LCOR: variants seen among roughly 807,000 people sequenced by gnomAD.
The protein encoded by LCOR is ligand dependent nuclear receptor corepressor, also known as ligand-dependent corepressor.
In LCOR, 14 loss-of-function variants were observed where a neutral mutation model predicts 64.4. The observed-to-expected ratio is 0.22, with a 90% CI of 0.14 to 0.34. The LOEUF (loss-of-function observed/expected upper bound fraction) is 0.34, where lower values mean the gene tolerates loss of function less well. Ranked by LOEUF, LCOR falls within the 10% of genes least tolerant of loss-of-function variation. LCOR has a pLI of 1.00. For missense variants in LCOR, 1,686 were observed against 1,765.3 expected (o/e 0.96, Z 0.80); for synonymous variants, 643 against 642.5 (o/e 1.00, Z -0.01).
At chr10:96,951,378 T>G (rs192191227) in intron 6 of LCOR, among the ~76,000 whole-genome samples, 82 of 152,286 alleles carry the variant, frequency 5.4e-4, no homozygotes, top group African/African-American at 1.9e-3. Flanking sequence ...TAAACTTTCT[T>G]CACCAATTTT....
In LCOR at chr10:96,867,977, C is replaced by T. The variant is rs1007486040; in HGVS notation, c.-330+34498C>T. On this transcript the variant is annotated intron_variant, in intron 2 of 7. Coordinates refer to ENST00000421806, the MANE Select transcript of LCOR (RefSeq NM_001346516.2). Reference sequence around the variant, plus strand: ...TTGGCTCACTGCAACCTCCGCCTCCCGGGTTCAGGCGGTTCTCCTGCCTCA... The same window carrying T: ...TTGGCTCACTGCAACCTCCGCCTCCTGGGTTCAGGCGGTTCTCCTGCCTCA... Among the ~76,000 whole-genome samples, 5 of 151,804 alleles carry T rather than the reference C, an allele frequency of 3.3e-5. No individual in the cohort carries two copies. In the East Asian group the frequency reaches 5.8e-4, roughly 18 times the overall value.
chr10:96,861,075 GA>G (rs548499962), intron 2 of LCOR, among the ~76,000 whole-genome samples: 1 of 151,980 alleles, frequency 6.6e-6, no homozygotes, highest in African/African-American at 2.4e-5. Flanking sequence ...GCTGGACTTT[GA>G]AAAAAACGTA....
chr10:96,835,302 T>C (rs151319333), intron 2 of LCOR, among the ~76,000 whole-genome samples: 1 of 152,346 alleles, frequency 6.6e-6, no homozygotes, highest in African/African-American at 2.4e-5. Context: ...AATTTTAATC[T>C]GGTGATCAAA....
At chr10:96,843,277 A>C (rs1384682367) in intron 2 of LCOR, among the ~76,000 whole-genome samples, 1 of 151,956 alleles carries the variant, frequency 6.6e-6, no homozygotes, top group Admixed American at 6.6e-5. Context: ...AGCATGTTTC[A>C]TCATGCCTGG....
chr10:96,966,064 CT>C lies in LCOR; in HGVS notation c.332+13869del, dbSNP rs550086986. Among the ~76,000 whole-genome samples the C allele has an allele frequency of 1.6e-3, 243 of 151,590 alleles. 1 individual carries two copies. Among genetic ancestry groups the C allele is most frequent in the African/African-American group, 5.6e-3 (233 of 41,276 alleles). ...TTTTAAACTGGAATTTTCTCTGATT[CT>C]GCTGATATTTTGGAAACTAATTCAG... On this transcript the variant is annotated intron_variant, in intron 7 of 7. Coordinates refer to ENST00000421806, the MANE Select transcript of LCOR (RefSeq NM_001346516.2).
At chr10:96,845,114 A>C (rs574960402) in intron 2 of LCOR, among the ~76,000 whole-genome samples, 1 of 152,334 alleles carries the variant, frequency 6.6e-6, no homozygotes, top group East Asian at 1.9e-4. Flanking sequence ...GGATAAATTT[A>C]AAAAATGAAT....
intron 2 of LCOR, among the ~76,000 whole-genome samples, chr10:96,836,911 C>T (rs1467359903): frequency 6.6e-6 from 1 of 151,864 alleles, no homozygotes; most frequent in Non-Finnish European, 1.5e-5. Flanking sequence ...GTTTGCAACA[C>T]GTTTCTTTCC....
intron 7 of LCOR, among the ~76,000 whole-genome samples, chr10:96,975,208 A>G (rs1424884678): frequency 6.6e-6 from 1 of 152,220 alleles, no homozygotes; most frequent in Admixed American, 6.5e-5. Flanking sequence ...TGTGCTATTA[A>G]GAAAAATTCC....
At chr10:96,938,360 C>T (rs948440084) in intron 4 of LCOR, among the ~76,000 whole-genome samples, 7 of 152,062 alleles carry the variant, frequency 4.6e-5, no homozygotes, top group African/African-American at 1.4e-4. Context: ...AAATCCAACA[C>T]GTTTTCTTGA....
At chr10:96,933,640 C>G (rs968501129) in intron 4 of LCOR, among the ~76,000 whole-genome samples, 1 of 152,176 alleles carries the variant, frequency 6.6e-6, no homozygotes, top group African/African-American at 2.4e-5. Context: ...CTGCCTCAGC[C>G]TCCTGAGTAG....
At chr10:96,892,117 A>G (rs1846456211) in intron 2 of LCOR, among the ~76,000 whole-genome samples, 1 of 152,056 alleles carries the variant, frequency 6.6e-6, no homozygotes, top group Admixed American at 6.6e-5. Context: ...TAGTTGCCTA[A>G]CGGTGTTGTT....
chr10:96,969,239 A>G (rs1357331439), intron 7 of LCOR, among the ~76,000 whole-genome samples: 2 of 152,192 alleles, frequency 1.3e-5, no homozygotes, highest in African/African-American at 4.8e-5. Context: ...CTGGAGAGTG[A>G]GGTCGTTGTG....
At chr10:96,937,064 A>C (rs546992055) in intron 4 of LCOR, among the ~76,000 whole-genome samples, 4 of 152,248 alleles carry the variant, frequency 2.6e-5, no homozygotes, top group Non-Finnish European at 5.9e-5. Context: ...TTGCAGGTGT[A>C]ATCAATTTAT....
chr10:96,958,215 A>C, intron 7 of LCOR: 1 of 1,299,552 alleles, frequency 7.7e-7, no homozygotes, highest in Admixed American at 3.4e-5. Context: ...ATCCCCTCTC[A>C]GAAAGACATC....
At chr10:96,956,096 A>G (rs1847768320) in intron 7 of LCOR, 1 of 1,425,170 alleles carries the variant, frequency 7.0e-7, no homozygotes, top group Non-Finnish European at 9.1e-7. Context: ...GCATATTTTA[A>G]ATTTTTCATG....
Position 96,994,373 on chromosome 10 carries a change from G to A in LCOR, c.*9239G>A, listed in dbSNP as rs1404443508. The A allele has an allele frequency of 6.6e-6, 1 of 152,178 alleles. No individual in the cohort carries two copies. The highest frequency in any genetic ancestry group is 1.5e-5 in the Non-Finnish European group (1 of 68,038). 9.4% of individuals were successfully genotyped at this position (152,178 alleles called of 1,614,324 possible). A position where few individuals can be genotyped will look rare whatever the true frequency, so the allele number is the denominator to read the frequency against. Reference sequence around the variant, plus strand: ...GTCACTCCTCCATTTCTCCCAGCGTGTCCAGTTCAGCAGATTTCTAAAGCT... The same window carrying A: ...GTCACTCCTCCATTTCTCCCAGCGTATCCAGTTCAGCAGATTTCTAAAGCT... On this transcript the variant is annotated 3_prime_UTR_variant, in exon 8 of 8. Transcript: ENST00000421806.
At chr10:96,862,897 T>G (rs1217056812) in intron 2 of LCOR, among the ~76,000 whole-genome samples, 1 of 151,554 alleles carries the variant, frequency 6.6e-6, no homozygotes, top group African/African-American at 2.4e-5. Flanking sequence ...TTTTTTTTTT[T>G]GAAACAGAGT....
chr10:96,937,810 A>T (rs1847377322), intron 4 of LCOR, among the ~76,000 whole-genome samples: 3 of 152,200 alleles, frequency 2.0e-5, no homozygotes. Flanking sequence ...ACAGACAAAT[A>T]CCATTTATGA....
rs369121340 is a variant in LCOR at position 96,871,627 on chromosome 10, G to A, written c.-329-35638G>A. Among the ~76,000 whole-genome samples, 3 of 150,130 alleles carry A rather than the reference G, an allele frequency of 2.0e-5. No individual in the cohort carries two copies. The East Asian group carries it at 5.8e-4, about 29-fold the overall frequency. On this transcript the variant is annotated intron_variant, in intron 2 of 7. Coordinates refer to ENST00000421806, the MANE Select transcript of LCOR (RefSeq NM_001346516.2). ...TTTATAGAAACGGAGGTTTCGCCATGTTGCTCAGGCTAGTCTTGAACTCTT... is the reference window on the plus strand; with the variant it reads ...TTTATAGAAACGGAGGTTTCGCCATATTGCTCAGGCTAGTCTTGAACTCTT...
Sources: allele counts gnomAD v4.1 joint callset (sites outside exome capture counted in the v4.1 genomes callset), GRCh38; gene constraint gnomAD v4.1.1; transcripts MANE v1.5; gene names NCBI Gene and HGNC (gene_info 2026-07-23, HGNC 2026-07-21).